RFPL1: variants seen among roughly 807,000 people sequenced by gnomAD.
RFPL1 encodes the protein ret finger protein-like 1.
Under a neutral mutation model 9.6 loss-of-function variants are expected in RFPL1, and 6 were observed. That is an observed-to-expected ratio of 0.62 (90% CI 0.34 to 1.23). RFPL1 has a LOEUF of 1.23. Ranked by LOEUF, RFPL1 falls within the 50% of genes most tolerant of loss-of-function variation. The probability of loss-of-function intolerance (pLI) is 0.03; values close to 1 mark genes in which losing one functional copy is unlikely to be tolerated. For missense variants in RFPL1, 352 were observed against 398.4 expected, an observed-to-expected ratio of 0.88 and a Z score of 0.99; for synonymous variants, 145 against 149.4, an observed-to-expected ratio of 0.97 and a Z score of 0.22.
At chr22:29,403,964 A>T in the RFPL1 span, among the ~76,000 whole-genome samples, 91 of 152,318 alleles carry the variant, frequency 6.0e-4, no homozygotes, top group Middle Eastern at 0.017. Context: ...CAACCTATGC[A>T]CAAAGTCCTT....
At chr22:29,391,859 G>A in the RFPL1 span, among the ~76,000 whole-genome samples, 1 of 152,202 alleles carries the variant, frequency 6.6e-6, no homozygotes, top group South Asian at 2.1e-4. Context: ...CAGGCCCTGG[G>A]CTGGGTGCTG....
At chr22:29,397,788 G>T in the RFPL1 span, among the ~76,000 whole-genome samples, 1 of 152,168 alleles carries the variant, frequency 6.6e-6, no homozygotes, top group Admixed American at 6.5e-5. Flanking sequence ...ACTTCTAGTT[G>T]GGTAAAGAGG....
At chr22:29,426,164 A>T in the RFPL1 span, among the ~76,000 whole-genome samples, 1 of 150,552 alleles carries the variant, frequency 6.6e-6, no homozygotes, top group African/African-American at 2.4e-5. Context: ...CTCCACTAAA[A>T]ATACAAAAAT....
At chr22:29,388,240 C>T in the RFPL1 span, among the ~76,000 whole-genome samples, 1 of 152,156 alleles carries the variant, frequency 6.6e-6, no homozygotes, top group South Asian at 2.1e-4. Flanking sequence ...GGCCGGCGGC[C>T]AAGTGGGCGC....
the RFPL1 span, among the ~76,000 whole-genome samples, chr22:29,406,823 C>T: frequency 3.3e-5 from 5 of 152,152 alleles, no homozygotes; most frequent in Non-Finnish European, 7.3e-5. Flanking sequence ...CCGCTCCAAG[C>T]GCTGGTTAAA....
the RFPL1 span, among the ~76,000 whole-genome samples, chr22:29,425,215 A>G: frequency 6.6e-6 from 1 of 151,726 alleles, no homozygotes; most frequent in East Asian, 1.9e-4. Context: ...AAAAAAAAAA[A>G]AAAAAAGAAA....
In RFPL1 at chr22:29,438,721, G is replaced by A; in HGVS notation, c.-71G>A. 7.7e-6 allele frequency: 12 copies of A among 1,563,250 alleles called. No individual in the cohort carries two copies. The South Asian group carries it at 1.4e-4, about 18-fold the overall frequency. ...AATCTCTGAAGACGGGGGGTGGGGG[G>A]ATGTGCTTGAGTGTTTGTACTCATG... On this transcript the variant is annotated 5_prime_UTR_variant, in exon 1 of 2. Coordinates refer to ENST00000354373, the Ensembl canonical transcript of RFPL1.
the RFPL1 span, among the ~76,000 whole-genome samples, chr22:29,415,124 C>CA: frequency 1.3e-5 from 2 of 151,902 alleles, no homozygotes; most frequent in African/African-American, 4.8e-5. Context: ...GCCATGCTTC[C>CA]ACTCAAATGG....
chr22:29,388,566 G>A, the RFPL1 span: 1 of 152,288 alleles, frequency 6.6e-6, no homozygotes, highest in African/African-American at 2.4e-5. Context: ...GGGCGGAAGT[G>A]AGCTGCCCGC....
the RFPL1 span, among the ~76,000 whole-genome samples, chr22:29,413,680 T>A: frequency 6.6e-6 from 1 of 152,268 alleles, no homozygotes; most frequent in African/African-American, 2.4e-5. Flanking sequence ...TTTATTCAAC[T>A]TTTAATGTCT....
chr22:29,406,115 C>CA, the RFPL1 span, among the ~76,000 whole-genome samples: 70 of 9,678 alleles, frequency 7.2e-3, 1 homozygote, highest in Non-Finnish European at 0.011. Flanking sequence ...GACTCCTTCT[C>CA]AAAAAAAAAA....
chr22:29,420,455 C>T, the RFPL1 span, among the ~76,000 whole-genome samples: 1 of 151,950 alleles, frequency 6.6e-6, no homozygotes. Context: ...CTCAGCATAC[C>T]GGGTAGCAGG....
At chr22:29,422,808 T>C in the RFPL1 span, among the ~76,000 whole-genome samples, 18 of 150,238 alleles carry the variant, frequency 1.2e-4, no homozygotes, top group East Asian at 7.8e-4. Flanking sequence ...AACACACACA[T>C]ACACACACAC....
chr22:29,410,383 GATATATATATTGTAGATATAT>G, the RFPL1 span, among the ~76,000 whole-genome samples: 31 of 72,122 alleles, frequency 4.3e-4, 1 homozygote, highest in East Asian at 5.4e-3. Flanking sequence ...TATATATATA[GATATATATATTGTAGATATAT>G]ATCTATATAT....
chr22:29,397,800 A>T, the RFPL1 span, among the ~76,000 whole-genome samples: 3 of 152,146 alleles, frequency 2.0e-5, no homozygotes, highest in African/African-American at 7.2e-5. Flanking sequence ...GTAAAGAGGC[A>T]TGTGGAAGCT....
chr22:29,430,251 A>G, the RFPL1 span, among the ~76,000 whole-genome samples: 8 of 151,870 alleles, frequency 5.3e-5, no homozygotes, highest in Admixed American at 1.3e-4. Context: ...CTGGGCATGA[A>G]CTCCACAGCT....
upstream of RFPL1, chr22:29,437,615 T>A: frequency 6.3e-7 from 1 of 1,590,488 alleles, no homozygotes; most frequent in Non-Finnish European, 8.6e-7. Context: ...TGGAAGGGCA[T>A]GACCCAGTGG....
the RFPL1 span, among the ~76,000 whole-genome samples, chr22:29,421,137 T>C: frequency 7.2e-3 from 1,101 of 152,234 alleles, 14 homozygotes; most frequent in African/African-American, 0.025. Context: ...CCAAAGCCCA[T>C]GCTCTCAATC....
upstream of RFPL1, chr22:29,437,703 G>A: frequency 6.3e-6 from 10 of 1,585,478 alleles, no homozygotes; most frequent in South Asian, 1.2e-5. Flanking sequence ...GAAGCAGCTG[G>A]AGGACAGAGG....
Sources: allele counts gnomAD v4.1 joint callset (sites outside exome capture counted in the v4.1 genomes callset), GRCh38; gene constraint gnomAD v4.1.1; transcripts MANE v1.5; gene names NCBI Gene and HGNC (gene_info 2026-07-23, HGNC 2026-07-21).